CSMD1: variants seen among roughly 807,000 people sequenced by gnomAD.
The protein encoded by CSMD1 is CUB and Sushi multiple domains 1.
CSMD1 carries 213 observed loss-of-function variants against 417.5 expected under a neutral mutation model. The observed-to-expected ratio is 0.51, with a 90% confidence interval of 0.46 to 0.57. The LOEUF (loss-of-function observed/expected upper bound fraction) is 0.57, where lower values mean the gene tolerates loss of function less well. CSMD1 is among the 20% of genes least tolerant of loss of function. The probability of loss-of-function intolerance (pLI) is 0.00; values close to 1 mark genes in which losing one functional copy is unlikely to be tolerated. For missense variants in CSMD1, 6,923 were observed against 4,529.7 expected (o/e 1.53, Z -15.17); for synonymous variants, 2,862 against 1,736.8 (o/e 1.65, Z -16.11).
At chr8:3,304,499 C>G (rs1184128590) in intron 25 of CSMD1, among the ~76,000 whole-genome samples, 1 of 151,996 alleles carries the variant, frequency 6.6e-6, no homozygotes, top group African/African-American at 2.4e-5. Context: ...TCATCAAAAA[C>G]ATTTTGGGAT....
chr8:4,792,748 C>T (rs28641199), intron 1 of CSMD1, among the ~76,000 whole-genome samples: 10,062 of 152,050 alleles, frequency 0.066, 428 homozygotes, highest in East Asian at 0.22. Context: ...ACACCGATGC[C>T]CATTACTACG....
In CSMD1 at chr8:3,409,535, G is replaced by T; in HGVS notation, c.1632C>A (p.Leu544=). The T allele has an allele frequency of 6.2e-7, 1 of 1,611,326 alleles. No individual in the cohort carries two copies. Among genetic ancestry groups the T allele is most frequent in the South Asian group, 1.1e-5 (1 of 90,276 alleles). Residue 544 remains leucine (L), a synonymous_variant, in exon 13 of 70, where the codon CTC becomes CTA. Coordinates refer to ENST00000635120, the MANE Select transcript of CSMD1 (RefSeq NM_033225.6). ...AYGKRTGSSF[L]HGDTLTFECP... Reference sequence around the variant, plus strand: ...ATTCAAAGGTGAGTGTATCTCCATGGAGGAAACTGCTGCCCGTCCGCTTCC... The same window carrying T: ...ATTCAAAGGTGAGTGTATCTCCATGTAGGAAACTGCTGCCCGTCCGCTTCC...
intron 12 of CSMD1, among the ~76,000 whole-genome samples, chr8:3,412,113 T>C (rs915084635): frequency 4.8e-5 from 6 of 125,544 alleles, no homozygotes; most frequent in Non-Finnish European, 6.6e-5. Flanking sequence ...CATATATACA[T>C]ATATACACAC....
At chr8:3,680,448 A>G (rs1465746385) in intron 7 of CSMD1, among the ~76,000 whole-genome samples, 2 of 152,356 alleles carry the variant, frequency 1.3e-5, no homozygotes, top group Non-Finnish European at 2.9e-5. Flanking sequence ...AGAAACAGAG[A>G]AATTCCTTGA....
At chr8:3,958,233 T>A (rs186827256) in intron 5 of CSMD1, among the ~76,000 whole-genome samples, 1 of 152,090 alleles carries the variant, frequency 6.6e-6, no homozygotes, top group Non-Finnish European at 1.5e-5. Flanking sequence ...AACATGAAGA[T>A]AGACTACGTC....
At chr8:4,345,849 T>C (rs1049224066) in intron 3 of CSMD1, among the ~76,000 whole-genome samples, 129 of 151,908 alleles carry the variant, frequency 8.5e-4, no homozygotes, top group Non-Finnish European at 1.6e-4. Flanking sequence ...TACATTGGAG[T>C]GTTCTGAGGT....
intron 5 of CSMD1, among the ~76,000 whole-genome samples, chr8:3,966,445 T>C (rs903583563): frequency 6.6e-6 from 1 of 152,154 alleles, no homozygotes; most frequent in Non-Finnish European, 1.5e-5. Context: ...ATTACCTACA[T>C]ATATTTTTTA....
At position 3,351,799 on chromosome 8, in the gene CSMD1, A is replaced by T. The variant is rs538088806; in HGVS notation, c.3305-3638T>A. Among the ~76,000 whole-genome samples, 36 of 149,852 alleles carry T rather than the reference A, an allele frequency of 2.4e-4. 1 individual carries two copies. The South Asian group carries it at 7.5e-3, about 31-fold the overall frequency. ...TATTAAATACACATGTATAATATAC[A>T]TACAATGTGTACTCACTATTTAATT... On this transcript the variant is annotated intron_variant, in intron 21 of 69. Coordinates refer to ENST00000635120, the MANE Select transcript of CSMD1 (RefSeq NM_033225.6).
chr8:4,893,957 CT>C (rs962185327), intron 1 of CSMD1, among the ~76,000 whole-genome samples: 50 of 151,736 alleles, frequency 3.3e-4, no homozygotes, highest in Non-Finnish European at 6.9e-4. Flanking sequence ...AGCTTTTTGT[CT>C]TTTTTTTAGG....
chr8:3,865,770 C>T (rs1805051699), intron 5 of CSMD1, among the ~76,000 whole-genome samples: 1 of 152,140 alleles, frequency 6.6e-6, no homozygotes, highest in Admixed American at 6.5e-5. Context: ...TGCTAGGTTT[C>T]CGTCATATTT....
chr8:3,513,895 A>G (rs1363922492), intron 10 of CSMD1, among the ~76,000 whole-genome samples: 1 of 152,352 alleles, frequency 6.6e-6, no homozygotes, highest in African/African-American at 2.4e-5. Context: ...AAAGGTTATA[A>G]CCACAGAATA....
intron 1 of CSMD1, among the ~76,000 whole-genome samples, chr8:4,864,888 A>G (rs1403949917): frequency 1.3e-5 from 2 of 149,524 alleles, no homozygotes; most frequent in African/African-American, 5.0e-5. Flanking sequence ...ACACACACAC[A>G]CACACACAAA....
chr8:4,549,942 G>C (rs1240549150), intron 2 of CSMD1, among the ~76,000 whole-genome samples: 1 of 148,024 alleles, frequency 6.8e-6, no homozygotes, highest in Non-Finnish European at 1.5e-5. Context: ...ACATTACTTA[G>C]GTGAATGGCC....
intron 11 of CSMD1, among the ~76,000 whole-genome samples, chr8:3,470,255 G>A (rs1041155734): frequency 1.3e-5 from 2 of 152,006 alleles, no homozygotes; most frequent in Admixed American, 6.5e-5. Flanking sequence ...TCATGTTATT[G>A]TTTGTAGTAT....
chr8:4,124,217 C>G (rs926592078), intron 3 of CSMD1, among the ~76,000 whole-genome samples: 4 of 152,098 alleles, frequency 2.6e-5, no homozygotes, highest in African/African-American at 4.8e-5. Flanking sequence ...AGCTTCAGGG[C>G]TCCTGGGCAG....
intron 1 of CSMD1, among the ~76,000 whole-genome samples, chr8:4,901,382 T>C (rs556585176): frequency 2.6e-4 from 39 of 152,316 alleles, no homozygotes; most frequent in African/African-American, 9.1e-4. Flanking sequence ...CTATTGCAGT[T>C]AGGATTTCTA....
chr8:4,139,567 C>G (rs1803653816), intron 3 of CSMD1, among the ~76,000 whole-genome samples: 1 of 151,144 alleles, frequency 6.6e-6, no homozygotes, highest in Admixed American at 6.6e-5. Context: ...ATATAGCTCC[C>G]TGAGCTGCCT....
chr8:3,641,418 G>A (rs923347141), intron 7 of CSMD1, among the ~76,000 whole-genome samples: 2 of 152,068 alleles, frequency 1.3e-5, no homozygotes, highest in Non-Finnish European at 2.9e-5. Context: ...TAAAAATTGG[G>A]TTCTTCTTAT....
At chr8:3,637,789 G>C (rs1159548679) in intron 7 of CSMD1, among the ~76,000 whole-genome samples, 1 of 152,156 alleles carries the variant, frequency 6.6e-6, no homozygotes, top group East Asian at 1.9e-4. Context: ...CACATCTTGG[G>C]AGGGACCCAG....
Sources: allele counts gnomAD v4.1 joint callset (sites outside exome capture counted in the v4.1 genomes callset), GRCh38; gene constraint gnomAD v4.1.1; transcripts MANE v1.5; gene names NCBI Gene and HGNC (gene_info 2026-07-23, HGNC 2026-07-21).